Variants in PAPSS1 observed in about 807,000 individuals in gnomAD.
The protein encoded by PAPSS1 is 3'-phosphoadenosine 5'-phosphosulfate synthase 1, also known as bifunctional 3'-phosphoadenosine 5'-phosphosulfate synthase 1.
PAPSS1 carries 50 observed loss-of-function variants against 72.0 expected under a neutral mutation model. The observed-to-expected ratio is 0.69, with a 90% CI of 0.55 to 0.88. The LOEUF (loss-of-function observed/expected upper bound fraction) is 0.88. Ranked by LOEUF, PAPSS1 falls within the 40% of genes least tolerant of loss-of-function variation. PAPSS1 has a pLI of 0.00. For missense variants in PAPSS1, 657 were observed against 782.2 expected, an observed-to-expected ratio of 0.84 and a Z score of 1.91; for synonymous variants, 261 against 263.6, an observed-to-expected ratio of 0.99 and a Z score of 0.09.
intron 6 of PAPSS1, 30 bp downstream of exon 6, chr4:107,659,929 A>G: frequency 8.4e-7 from 1 of 1,192,648 alleles, no homozygotes; most frequent in Non-Finnish European, 1.2e-6. Context: ...AGGCTGTATC[A>G]CTTAGTGTGA....
At chr4:107,639,087 C>A (rs1726465360) in intron 10 of PAPSS1, among the ~76,000 whole-genome samples, 1 of 152,102 alleles carries the variant, frequency 6.6e-6, no homozygotes, top group South Asian at 2.1e-4. Flanking sequence ...AAAAATCAGA[C>A]TAACAGACAA....
chr4:107,675,073 G>A (rs1282092894), intron 5 of PAPSS1, among the ~76,000 whole-genome samples: 2 of 151,932 alleles, frequency 1.3e-5, no homozygotes, highest in Admixed American at 6.6e-5. Flanking sequence ...TGCCCACAAG[G>A]AAAAGCAGGA....
At chr4:107,691,127 A>ATT (rs1449219951) in intron 3 of PAPSS1, among the ~76,000 whole-genome samples, 1 of 152,138 alleles carries the variant, frequency 6.6e-6, no homozygotes, top group Non-Finnish European at 1.5e-5. Context: ...AACCTGTGTA[A>ATT]ATAATACTCA....
rs1216078033 is a variant in PAPSS1 at position 107,666,714 on chromosome 4, G to C, written c.670-6642C>G. Among the ~76,000 whole-genome samples the C allele has an allele frequency of 3.9e-5, 6 of 152,288 alleles. No homozygotes were observed. In the South Asian group the frequency reaches 1.2e-3, roughly 32 times the overall value. On this transcript the variant is annotated intron_variant, in intron 5 of 11. Coordinates refer to ENST00000265174, the MANE Select transcript of PAPSS1 (RefSeq NM_005443.5). ...ATTCCAGGTACAATTCACTTCAGAA[G>C]AGTCTCTCCAAAGGAATACAGAGGA...
At chr4:107,697,781 T>C (rs1723107310) in intron 2 of PAPSS1, among the ~76,000 whole-genome samples, 1 of 152,200 alleles carries the variant, frequency 6.6e-6, no homozygotes, top group African/African-American at 2.4e-5. Context: ...CAAATATTCA[T>C]GTCCACCCAG....
intron 11 of PAPSS1, among the ~76,000 whole-genome samples, chr4:107,621,356 C>A (rs1435828772): frequency 6.6e-6 from 1 of 152,154 alleles, no homozygotes; most frequent in Non-Finnish European, 1.5e-5. Context: ...ATTATAAACT[C>A]AACTGCGTAC....
At chr4:107,695,197 A>G (rs1383413346) in intron 2 of PAPSS1, among the ~76,000 whole-genome samples, 1 of 152,104 alleles carries the variant, frequency 6.6e-6, no homozygotes, top group African/African-American at 2.4e-5. Context: ...CTCCTTGAAG[A>G]GGTCCTTCAC....
chr4:107,708,270 A>G (rs1235935441), intron 1 of PAPSS1, among the ~76,000 whole-genome samples: 1 of 152,212 alleles, frequency 6.6e-6, no homozygotes, highest in Non-Finnish European at 1.5e-5. Flanking sequence ...AGAACTTAAA[A>G]AAGAGGGCTT....
chr4:107,652,009 C>G (rs963574690), intron 9 of PAPSS1, among the ~76,000 whole-genome samples: 2 of 152,180 alleles, frequency 1.3e-5, no homozygotes, highest in African/African-American at 2.4e-5. Flanking sequence ...CAGGAGCATT[C>G]TGGAGTTCAC....
At chr4:107,677,634 C>T (rs1049126749) in intron 5 of PAPSS1, among the ~76,000 whole-genome samples, 7 of 152,174 alleles carry the variant, frequency 4.6e-5, no homozygotes, top group East Asian at 1.9e-4. Flanking sequence ...GTGGCAATTC[C>T]TCAGGGATCT....
intron 5 of PAPSS1, among the ~76,000 whole-genome samples, chr4:107,669,462 A>G (rs144428982): frequency 2.0e-5 from 3 of 152,358 alleles, no homozygotes; most frequent in Admixed American, 6.5e-5. Flanking sequence ...ATTCTAGTCT[A>G]TACACTATAA....
intron 10 of PAPSS1, among the ~76,000 whole-genome samples, chr4:107,634,484 C>T (rs911298112): frequency 1.3e-5 from 2 of 152,096 alleles, no homozygotes; most frequent in Non-Finnish European, 2.9e-5. Flanking sequence ...AATTTACATT[C>T]CCACCATGTT....
chr4:107,626,239 A>C (rs1372058821), intron 11 of PAPSS1, among the ~76,000 whole-genome samples: 4 of 151,998 alleles, frequency 2.6e-5, no homozygotes, highest in African/African-American at 9.7e-5. Flanking sequence ...TCTACTGAAA[A>C]TGTGGAAATA....
chr4:107,614,577 T>G (rs901402537), intron 11 of PAPSS1, among the ~76,000 whole-genome samples, 190 bp from the exon 12 acceptor site: 16 of 152,186 alleles, frequency 1.1e-4, no homozygotes, highest in African/African-American at 2.9e-4. Flanking sequence ...TTACCAATTT[T>G]TAGAACCAGA....
rs993098311 is a variant in PAPSS1, at chr4:107,714,874, G to A, written c.60+5246C>T. On this transcript the variant is annotated intron_variant, in intron 1 of 11. Coordinates refer to ENST00000265174, the MANE Select transcript of PAPSS1 (RefSeq NM_005443.5). Reference sequence around the variant, plus strand: ...ACTTCAAATCTGAAGAAGCAACTACGCTAAGGGGAGGCTAATACTGCTGGA... The same window carrying A: ...ACTTCAAATCTGAAGAAGCAACTACACTAAGGGGAGGCTAATACTGCTGGA... Among the ~76,000 whole-genome samples, 25 of 152,114 alleles carry A rather than the reference G, an allele frequency of 1.6e-4. 1 individual carries two copies. The highest frequency in any genetic ancestry group is 1.5e-3 in the Admixed American group (23 of 15,268).
intron 11 of PAPSS1, among the ~76,000 whole-genome samples, chr4:107,620,541 G>C (rs1490521410): frequency 6.6e-6 from 1 of 152,160 alleles, no homozygotes; most frequent in Non-Finnish European, 1.5e-5. Flanking sequence ...TTTAAATAAA[G>C]GCTAGAGTGT....
At chr4:107,653,424 T>G in intron 9 of PAPSS1, 67 bp downstream of exon 9, 2 of 1,490,418 alleles carry the variant, frequency 1.3e-6, no homozygotes, top group Non-Finnish European at 1.8e-6. Flanking sequence ...TCGTAAGCAC[T>G]GGAAAAAATC....
intron 9 of PAPSS1, among the ~76,000 whole-genome samples, chr4:107,652,860 A>G (rs926575261): frequency 6.6e-6 from 1 of 152,068 alleles, no homozygotes; most frequent in Non-Finnish European, 1.5e-5. Flanking sequence ...TTCTATGCGC[A>G]GTGTTGTTTC....
At chr4:107,697,846 T>C (rs1723108196) in intron 2 of PAPSS1, among the ~76,000 whole-genome samples, 1 of 151,990 alleles carries the variant, frequency 6.6e-6, no homozygotes, top group Admixed American at 6.6e-5. Context: ...ACAATCAAAT[T>C]AAGAGGAGGT....
Sources: allele counts gnomAD v4.1 joint callset (sites outside exome capture counted in the v4.1 genomes callset), GRCh38; gene constraint gnomAD v4.1.1; transcripts MANE v1.5; gene names NCBI Gene and HGNC (gene_info 2026-07-23, HGNC 2026-07-21).